TMEM91: variants seen among roughly 807,000 people sequenced by gnomAD.
TMEM91 encodes transmembrane protein 91.
TMEM91 carries 6 observed loss-of-function variants against 13.3 expected under a neutral mutation model. The observed-to-expected ratio is 0.45, with a 90% CI of 0.25 to 0.89. The LOEUF is 0.89. TMEM91 is among the 40% of genes least tolerant of loss of function. The pLI is 0.19. For synonymous variants in TMEM91, 87 were observed against 101.7 expected (o/e 0.86, Z 0.87); for missense variants, 193 against 228.7 (o/e 0.84, Z 1.01).
At chr19:41,368,932 T>C (rs1252653512) in intron 1 of TMEM91, among the ~76,000 whole-genome samples, 3 of 151,744 alleles carry the variant, frequency 2.0e-5, no homozygotes, top group Non-Finnish European at 4.4e-5. Flanking sequence ...CTGGACAACA[T>C]GATGAAACCC....
rs1599934635 is a variant in TMEM91, at chr19:41,383,398, C to G, written c.361-317C>G. 4.5e-6 allele frequency: 4 copies of G among 889,658 alleles called. No homozygotes were observed. In the South Asian group the frequency reaches 1.0e-4, roughly 23 times the overall value. 55.1% of individuals were successfully genotyped at this position (889,658 alleles called of 1,614,324 possible). On this transcript the variant is annotated intron_variant, in intron 3 of 3. Coordinates refer to ENST00000392002, the MANE Select transcript of TMEM91 (RefSeq NM_001098821.2). ...AGTCACTTAACTTCCCTGTGCCTCA[C>G]TTTCCTCATCTGTAAAGTGGGAATA... is the stretch of plus-strand genomic sequence containing the variant.
Position 41,371,366 on chromosome 19 carries a change from CTTCTTTCCTTCCTTCCTTCT to C in TMEM91, c.-29-6911_-29-6892del, listed in dbSNP as rs1194678821. ...CCTTCCTTCCTTCCTTCCTTCCTTC[CTTCTTTCCTTCCTTCCTTCT>C]TTCCTTCCTCCCTCCCTCCCTCCTT... On this transcript the variant is annotated intron_variant, in intron 1 of 3. Transcript: ENST00000413014. 1.9e-3 allele frequency among the ~76,000 whole-genome samples: 239 copies of C among 128,104 alleles called. 2 individuals carry two copies. The highest frequency in any genetic ancestry group is 6.7e-3 in the African/African-American group (217 of 32,574). The allele number at this position is 128,104 out of a possible 152,430, so 84.0% of individuals were successfully genotyped here. A position where few individuals can be genotyped will look rare whatever the true frequency, so the allele number is the denominator to read the frequency against.
intron 2 of TMEM91, among the ~76,000 whole-genome samples, chr19:41,379,572 A>C (rs151135835): frequency 0.012 from 1,832 of 149,368 alleles, 23 homozygotes; most frequent in Admixed American, 0.019. Context: ...AGAGAGAAAG[A>C]GAGAGGGAGG....
intron 1 of TMEM91, among the ~76,000 whole-genome samples, chr19:41,369,149 C>T (rs1041025481): frequency 5.9e-5 from 9 of 152,074 alleles, no homozygotes; most frequent in Admixed American, 2.6e-4. Context: ...GTATGGCACA[C>T]AGCCGGCGGT....
intron 1 of TMEM91, among the ~76,000 whole-genome samples, chr19:41,377,835 AC>A (rs960304557): frequency 1.3e-5 from 2 of 151,234 alleles, no homozygotes; most frequent in African/African-American, 2.4e-5. Context: ...ACACAGTGAA[AC>A]CCTATCTTTA....
intron 1 of TMEM91, among the ~76,000 whole-genome samples, chr19:41,365,153 C>T (rs1458442872): frequency 2.0e-5 from 3 of 151,868 alleles, no homozygotes; most frequent in African/African-American, 4.8e-5. Flanking sequence ...CCCAAACTGC[C>T]GGGATTACAG....
chr19:41,366,533 C>T lies in TMEM91; in HGVS notation c.-30+2438C>T, dbSNP rs187933897. 1.2e-3 allele frequency among the ~76,000 whole-genome samples: 180 copies of T among 152,264 alleles called. 1 individual carries two copies. The highest frequency in any genetic ancestry group is 4.2e-3 in the African/African-American group (173 of 41,564). Reference sequence around the variant, plus strand: ...AAGTCAGGTCCCATCTGCTCAGACCCGTCCAGTGGTCCCCATTTCACTCAG... The same window carrying T: ...AAGTCAGGTCCCATCTGCTCAGACCTGTCCAGTGGTCCCCATTTCACTCAG... On this transcript the variant is annotated intron_variant, in intron 1 of 3. Coordinates refer to the TMEM91 transcript ENST00000413014.
intron 1 of TMEM91, among the ~76,000 whole-genome samples, chr19:41,365,312 C>G (rs186387025): frequency 6.6e-6 from 1 of 152,200 alleles, no homozygotes; most frequent in Admixed American, 6.6e-5. Context: ...TAGGGAGACC[C>G]CATTAATAAT....
At chr19:41,368,361 G>C (rs1164116905) in intron 1 of TMEM91, among the ~76,000 whole-genome samples, 3 of 151,050 alleles carry the variant, frequency 2.0e-5, no homozygotes, top group Non-Finnish European at 3.0e-5. Flanking sequence ...AGGCTGCAGT[G>C]AGCTGTGATC....
intron 2 of TMEM91, among the ~76,000 whole-genome samples, chr19:41,382,164 G>T (rs536917901): frequency 5.7e-4 from 86 of 152,130 alleles, no homozygotes; most frequent in Non-Finnish European, 9.7e-4. Flanking sequence ...ACCACGCCCG[G>T]CCATGCGGGG....
At chr19:41,371,313 CCTT>C (rs1381555753) in intron 1 of TMEM91, among the ~76,000 whole-genome samples, 31 of 81,168 alleles carry the variant, frequency 3.8e-4, no homozygotes, top group South Asian at 2.6e-3. Context: ...ACTATCCTCT[CCTT>C]CCTTCCTTCC....
chr19:41,378,409 C>G lies in TMEM91; in HGVS notation c.100C>G (p.Pro34Ala). The change falls in exon 2 of 4, where the codon CCC (proline) becomes GCC (alanine). Residue 34 changes from proline to alanine, a missense_variant. By Grantham distance (27) the Pro-to-Ala change is conservative. Coordinates refer to ENST00000392002, the MANE Select transcript of TMEM91 (RefSeq NM_001098821.2). ...QKPGRHELGS[P>A]LREIAFAESL... ...GCCTGGCAGGCATGAGCTGGGGTCCCCCTTAAGAGAGATAGCCTTTGCCGA... is the reference window on the plus strand; with the variant it reads ...GCCTGGCAGGCATGAGCTGGGGTCCGCCTTAAGAGAGATAGCCTTTGCCGA... 6.2e-7 allele frequency: 1 copy of G among 1,614,192 alleles called. No homozygotes were observed. Among genetic ancestry groups the G allele is most frequent in the Non-Finnish European group, 8.5e-7 (1 of 1,180,030 alleles).
At chr19:41,374,171 G>A (rs1359440400), upstream of TMEM91, 1 of 152,212 alleles carries the variant, frequency 6.6e-6, no homozygotes, top group Non-Finnish European at 1.5e-5. Flanking sequence ...GTTCTCCCTG[G>A]GAGTGGGGCC....
Position 41,384,030 on chromosome 19 carries a change from G to T in TMEM91, c.*157G>T. 7.6e-7 allele frequency: 1 copy of T among 1,314,766 alleles called. No individual in the cohort carries two copies. Among genetic ancestry groups the T allele is most frequent in the Middle Eastern group, 2.5e-4 (1 of 3,956 alleles). The allele number at this position is 1,314,766 out of a possible 1,614,324, so 81.4% of individuals were successfully genotyped here. A position where few individuals can be genotyped will look rare whatever the true frequency, so the allele number is the denominator to read the frequency against. Reference sequence around the variant, plus strand: ...GGAACCCTTCCCCTTCCTGGCCACCGCTCTTCGGGCGGCAGCAACCTGAGA... The same window carrying T: ...GGAACCCTTCCCCTTCCTGGCCACCTCTCTTCGGGCGGCAGCAACCTGAGA... On this transcript the variant is annotated 3_prime_UTR_variant, in exon 4 of 4. Transcript: ENST00000392002.
intron 2 of TMEM91, among the ~76,000 whole-genome samples, chr19:41,381,275 CAA>C (rs1417787154): frequency 6.6e-6 from 1 of 151,582 alleles, no homozygotes; most frequent in Non-Finnish European, 1.5e-5. Context: ...ACTGGAGTCT[CAA>C]ACTGCTGGGC....
rs2038926616 is a variant in TMEM91, at chr19:41,382,915, C to G, written c.354C>G (p.Ala118=). Residue 118 remains alanine, a synonymous_variant, in exon 3 of 4, where the codon GCC becomes GCG. Transcript: ENST00000392002. ...WPVGIAAFCL[A]QKTNKAWAKG... ...TTGGCATCGCTGCCTTCTGTCTAGC[C>G]CAGAAGGTCAGTCTGTGTGTGGGAC... The G allele has an allele frequency of 6.2e-7, 1 of 1,613,926 alleles. No individual in the cohort carries two copies. Among genetic ancestry groups the G allele is most frequent in the Admixed American group, 1.7e-5 (1 of 59,976 alleles).
intron 1 of TMEM91, among the ~76,000 whole-genome samples, chr19:41,365,227 G>C (rs941185528): frequency 6.6e-6 from 1 of 151,974 alleles, no homozygotes; most frequent in East Asian, 1.9e-4. Flanking sequence ...GGCTAGGCGC[G>C]GTGGCTCATA....
chr19:41,374,582 G>A (rs138387338), upstream of TMEM91, among the ~76,000 whole-genome samples: 1,618 of 152,246 alleles, frequency 0.011, 22 homozygotes, highest in Middle Eastern at 0.02. Flanking sequence ...CTCTACATAT[G>A]TTATCACATA....
chr19:41,369,582 A>G (rs1163750445), intron 1 of TMEM91, among the ~76,000 whole-genome samples: 1 of 151,668 alleles, frequency 6.6e-6, no homozygotes, highest in Non-Finnish European at 1.5e-5. Context: ...AGGCAGGCAG[A>G]TCACTTGAGG....
Sources: allele counts gnomAD v4.1 joint callset (sites outside exome capture counted in the v4.1 genomes callset), GRCh38; gene constraint gnomAD v4.1.1; transcripts MANE v1.5; gene names NCBI Gene and HGNC (gene_info 2026-07-23, HGNC 2026-07-21).